HIVEP3: variants seen among roughly 807,000 people sequenced by gnomAD.
The protein encoded by HIVEP3 is HIVEP zinc finger 3, also known as transcription factor HIVEP3.
In HIVEP3, 49 loss-of-function variants were observed where a neutral mutation model predicts 152.8. The observed-to-expected ratio is 0.32, with a 90% CI of 0.26 to 0.41. HIVEP3 has a LOEUF of 0.41. Ranked by LOEUF, HIVEP3 falls within the 10% of genes least tolerant of loss-of-function variation. The pLI is 1.00. For missense variants in HIVEP3, 2,790 were observed against 3,103.3 expected (o/e 0.90, Z 2.40); for synonymous variants, 1,269 against 1,289.0 (o/e 0.98, Z 0.33).
At chr1:41,734,746 G>A (rs1042356992) in intron 1 of HIVEP3, among the ~76,000 whole-genome samples, 4 of 152,208 alleles carry the variant, frequency 2.6e-5, no homozygotes, top group African/African-American at 7.2e-5. Context: ...AGCCAGCCCC[G>A]GGGCAGGACG....
chr1:41,556,168 G>T (rs1206494738), intron 5 of HIVEP3, among the ~76,000 whole-genome samples: 5 of 152,142 alleles, frequency 3.3e-5, no homozygotes, highest in Admixed American at 2.6e-4. Context: ...TAGATCATAT[G>T]GTAATTCTAT....
intron 1 of HIVEP3, among the ~76,000 whole-genome samples, chr1:41,850,202 C>T (rs901595735): frequency 8.5e-5 from 13 of 152,158 alleles, no homozygotes; most frequent in African/African-American, 3.1e-4. Flanking sequence ...ACTTTGAGAA[C>T]CACTGGTCTA....
chr1:41,826,004 T>C (rs1642792255), intron 1 of HIVEP3, among the ~76,000 whole-genome samples: 1 of 152,036 alleles, frequency 6.6e-6, no homozygotes, highest in South Asian at 2.1e-4. Context: ...TAATGAGCCA[T>C]GATGTGAAGA....
chr1:41,871,845 T>A (rs185472596), intron 1 of HIVEP3, among the ~76,000 whole-genome samples: 3 of 152,346 alleles, frequency 2.0e-5, no homozygotes, highest in Admixed American at 6.5e-5. Flanking sequence ...CAGCTGCTGA[T>A]AATGCAAAAC....
intron 1 of HIVEP3, among the ~76,000 whole-genome samples, chr1:41,720,841 C>T (rs1646663405): frequency 6.6e-6 from 1 of 152,188 alleles, no homozygotes; most frequent in Non-Finnish European, 1.5e-5. Context: ...GTGGTACACA[C>T]ATACAGTTGA....
intron 1 of HIVEP3, among the ~76,000 whole-genome samples, chr1:41,709,034 A>G (rs1646474807): frequency 6.6e-6 from 1 of 152,142 alleles, no homozygotes; most frequent in African/African-American, 2.4e-5. Flanking sequence ...CTTTGCTAAT[A>G]AAAAGAGAAT....
chr1:41,711,640 C>T (rs1000172275), intron 1 of HIVEP3, among the ~76,000 whole-genome samples: 3 of 152,164 alleles, frequency 2.0e-5, no homozygotes, highest in Admixed American at 1.3e-4. Flanking sequence ...GTCAAATGCC[C>T]GGCTTTCGGT....
intron 1 of HIVEP3, among the ~76,000 whole-genome samples, chr1:41,950,719 A>G (rs751382389): frequency 2.4e-4 from 36 of 152,226 alleles, no homozygotes; most frequent in Non-Finnish European, 5.0e-4. Context: ...CACTATGTGA[A>G]GAGGGCAAAG....
At chr1:41,738,077 A>T (rs1167031888) in intron 1 of HIVEP3, among the ~76,000 whole-genome samples, 1 of 152,206 alleles carries the variant, frequency 6.6e-6, no homozygotes, top group Non-Finnish European at 1.5e-5. Flanking sequence ...TGAAACTCAA[A>T]TTCAGCATTG....
intron 5 of HIVEP3, among the ~76,000 whole-genome samples, chr1:41,532,707 G>C (rs1643297941): frequency 1.3e-5 from 2 of 152,148 alleles, no homozygotes; most frequent in South Asian, 4.1e-4. Context: ...CTTGGCTCTA[G>C]TGGCACCACC....
chr1:41,595,956 G>A (rs1226717444), intron 3 of HIVEP3, among the ~76,000 whole-genome samples: 1 of 152,104 alleles, frequency 6.6e-6, no homozygotes, highest in East Asian at 1.9e-4. Flanking sequence ...TCCCCTTTAT[G>A]TATACATCTA....
chr1:41,950,361 C>T (rs1313668806), intron 1 of HIVEP3, among the ~76,000 whole-genome samples: 1 of 152,158 alleles, frequency 6.6e-6, no homozygotes, highest in Non-Finnish European at 1.5e-5. Context: ...CCATGCTCTC[C>T]TCCCCCACCA....
chr1:41,944,745 T>G (rs74067970), intron 1 of HIVEP3, among the ~76,000 whole-genome samples: 1 of 152,130 alleles, frequency 6.6e-6, no homozygotes, highest in African/African-American at 2.4e-5. Context: ...TGATGCACCC[T>G]GGAAAGGAAA....
intron 1 of HIVEP3, among the ~76,000 whole-genome samples, chr1:41,940,581 T>G (rs1409095477): frequency 6.6e-6 from 1 of 152,198 alleles, no homozygotes; most frequent in African/African-American, 2.4e-5. Context: ...TACATAAATA[T>G]CTACAATATG....
At chr1:41,716,371 G>C (rs913434388) in intron 1 of HIVEP3, among the ~76,000 whole-genome samples, 4 of 152,210 alleles carry the variant, frequency 2.6e-5, no homozygotes, top group Admixed American at 2.6e-4. Flanking sequence ...TATCATCACA[G>C]GATGGAGAGA....
At position 41,713,007 on chromosome 1, in the gene HIVEP3, C is replaced by T. The variant is rs542287670; in HGVS notation, c.-800-12012G>A. Among the ~76,000 whole-genome samples the T allele has an allele frequency of 1.1e-4, 17 of 152,120 alleles. 1 individual carries two copies. The South Asian group carries it at 3.5e-3, about 32-fold the overall frequency. On this transcript the variant is annotated intron_variant, in intron 1 of 8. Transcript: ENST00000372583. Reference sequence around the variant, plus strand: ...GTCTTGGTGTCAGACACACGTGGTCCTTCCACTTCTGAGATGTGTGACCTT... The same window carrying T: ...GTCTTGGTGTCAGACACACGTGGTCTTTCCACTTCTGAGATGTGTGACCTT...
At chr1:41,900,838 G>A (rs1005098802) in intron 1 of HIVEP3, among the ~76,000 whole-genome samples, 1 of 152,194 alleles carries the variant, frequency 6.6e-6, no homozygotes, top group Non-Finnish European at 1.5e-5. Context: ...GGCCGGAGGT[G>A]AGGCTGGAGA....
chr1:41,793,239 C>G (rs1360855958), intron 1 of HIVEP3, among the ~76,000 whole-genome samples: 1 of 152,198 alleles, frequency 6.6e-6, no homozygotes, highest in Non-Finnish European at 1.5e-5. Flanking sequence ...GCCAATTGCT[C>G]CTGATACCTG....
chr1:41,698,075 C>T (rs1256654624), intron 2 of HIVEP3, among the ~76,000 whole-genome samples: 1 of 152,170 alleles, frequency 6.6e-6, no homozygotes, highest in African/African-American at 2.4e-5. Context: ...GAGTGTACAT[C>T]TGTGTAAAGC....
Sources: allele counts gnomAD v4.1 joint callset (sites outside exome capture counted in the v4.1 genomes callset), GRCh38; gene constraint gnomAD v4.1.1; transcripts MANE v1.5; gene names NCBI Gene and HGNC (gene_info 2026-07-23, HGNC 2026-07-21).